The following SRGAP3 variants were observed in gnomAD, a reference collection of about 807,000 sequenced individuals.
SRGAP3 encodes SLIT-ROBO Rho GTPase activating protein 3, also known as SLIT-ROBO Rho GTPase-activating protein 3.
SRGAP3 carries 39 observed loss-of-function variants against 121.1 expected under a neutral mutation model. That is an observed-to-expected ratio of 0.32 (90% CI 0.25 to 0.42). SRGAP3 has a LOEUF of 0.42. SRGAP3 is among the 10% of genes least tolerant of loss of function. SRGAP3 has a pLI of 1.00. For missense variants in SRGAP3, 1,213 were observed against 1,470.6 expected (o/e 0.82, Z 2.86); for synonymous variants, 601 against 570.0 (o/e 1.05, Z -0.77).
intron 10 of SRGAP3, among the ~76,000 whole-genome samples, chr3:9,038,772 C>T (rs1208310055): frequency 6.6e-6 from 1 of 152,236 alleles, no homozygotes; most frequent in East Asian, 1.9e-4. Context: ...TGGTTCCATC[C>T]CCTCTGTCCT....
At chr3:9,028,683 T>C (rs1233185387) in intron 12 of SRGAP3, among the ~76,000 whole-genome samples, 2 of 152,216 alleles carry the variant, frequency 1.3e-5, no homozygotes, top group East Asian at 1.9e-4. Flanking sequence ...TAGATGCCCA[T>C]AGGTTTCCAC....
At chr3:9,088,406 T>A (rs142576573) in intron 3 of SRGAP3, among the ~76,000 whole-genome samples, 112 of 152,304 alleles carry the variant, frequency 7.4e-4, no homozygotes, top group Middle Eastern at 3.4e-3. Context: ...CCATCATGAA[T>A]GCAGGGAACC....
At chr3:9,024,914 C>T (rs549180487) in intron 14 of SRGAP3, among the ~76,000 whole-genome samples, 2 of 152,274 alleles carry the variant, frequency 1.3e-5, no homozygotes, top group South Asian at 2.1e-4. Context: ...CACCCAAAAG[C>T]AGTAATAGTA....
chr3:9,096,777 C>T (rs987110724), intron 3 of SRGAP3, among the ~76,000 whole-genome samples: 3 of 150,672 alleles, frequency 2.0e-5, no homozygotes, highest in African/African-American at 7.3e-5. Flanking sequence ...CTTTGTTTAA[C>T]CTGTATGCCC....
intron 4 of SRGAP3, among the ~76,000 whole-genome samples, chr3:9,075,076 T>C (rs903478747): frequency 3.3e-5 from 5 of 152,368 alleles, no homozygotes; most frequent in African/African-American, 1.2e-4. Context: ...AACACATTTT[T>C]AGCCGAACAG....
At chr3:9,275,743 C>G (rs1228381804) in intron 3 of SRGAP3, among the ~76,000 whole-genome samples, 5 of 152,210 alleles carry the variant, frequency 3.3e-5, no homozygotes, top group African/African-American at 9.6e-5. Flanking sequence ...CCTACCCCAT[C>G]ACGTGGAACT....
intron 1 of SRGAP3, among the ~76,000 whole-genome samples, chr3:9,205,310 G>T (rs1174035271): frequency 6.6e-6 from 1 of 152,162 alleles, no homozygotes. Context: ...TTATTAACAA[G>T]ATATTTTCTA....
chr3:9,008,078 A>G (rs1276307655), intron 18 of SRGAP3: 1 of 152,216 alleles, frequency 6.6e-6, no homozygotes, highest in Non-Finnish European at 1.5e-5. Context: ...ATTCCCAGAA[A>G]CCAGCAGCCT....
intron 1 of SRGAP3, among the ~76,000 whole-genome samples, chr3:9,183,785 C>G (rs955278599): frequency 1.3e-5 from 2 of 151,948 alleles, no homozygotes; most frequent in African/African-American, 4.8e-5. Flanking sequence ...CACACACACA[C>G]ACACACACAC....
chr3:9,205,672 T>C (rs931894184), intron 1 of SRGAP3, among the ~76,000 whole-genome samples: 1 of 152,190 alleles, frequency 6.6e-6, no homozygotes, highest in African/African-American at 2.4e-5. Flanking sequence ...GTAAGTCCAG[T>C]GCTTACAGAA....
At chr3:9,110,845 C>T (rs1948596960) in intron 2 of SRGAP3, among the ~76,000 whole-genome samples, 1 of 152,260 alleles carries the variant, frequency 6.6e-6, no homozygotes, top group South Asian at 2.1e-4. Flanking sequence ...GCAGGCTCTA[C>T]CACATCTGAA....
chr3:9,068,291 C>G (rs1473464527), intron 4 of SRGAP3, among the ~76,000 whole-genome samples: 2 of 152,224 alleles, frequency 1.3e-5, no homozygotes, highest in Non-Finnish European at 2.9e-5. Context: ...CTCTCAAGGT[C>G]AACAGCCCAG....
chr3:9,070,478 C>T (rs1446494327), intron 4 of SRGAP3, among the ~76,000 whole-genome samples: 9 of 152,156 alleles, frequency 5.9e-5, no homozygotes, highest in Non-Finnish European at 1.3e-4. Flanking sequence ...GAGCCTGGTA[C>T]CCAGCAAGTA....
intron 3 of SRGAP3, among the ~76,000 whole-genome samples, chr3:9,096,908 A>T (rs1947989489): frequency 7.2e-6 from 1 of 138,732 alleles, no homozygotes; most frequent in African/African-American, 2.6e-5. Context: ...TATATATAAT[A>T]GCTAATTATA....
At chr3:9,032,021 A>G (rs1282125718) in intron 12 of SRGAP3, among the ~76,000 whole-genome samples, 2 of 152,224 alleles carry the variant, frequency 1.3e-5, no homozygotes, top group Non-Finnish European at 2.9e-5. Context: ...AAACTCGCCT[A>G]GCTAAACTAC....
Position 9,073,325 on chromosome 3 carries a change from T to G in SRGAP3, c.486+6700A>C, listed in dbSNP as rs147813604. Among the ~76,000 whole-genome samples the G allele has an allele frequency of 7.5e-3, 1,149 of 152,208 alleles. 16 individuals carry two copies. Among genetic ancestry groups the G allele is most frequent in the Middle Eastern group, 0.027 (8 of 294 alleles). On this transcript the variant is annotated intron_variant, in intron 4 of 21. Transcript: ENST00000383836. ...TGCCTTGCTAATTTTTTGTATTTTTTGTAGAGAGAGGGTTTTGCCACGTTG... is the reference window on the plus strand; with the variant it reads ...TGCCTTGCTAATTTTTTGTATTTTTGGTAGAGAGAGGGTTTTGCCACGTTG...
chr3:9,228,046 T>C (rs1332463234), intron 1 of SRGAP3, among the ~76,000 whole-genome samples: 4 of 152,152 alleles, frequency 2.6e-5, no homozygotes, highest in African/African-American at 7.2e-5. Context: ...CTGATGATCA[T>C]AGTTTGAGAC....
rs140480411 is a variant in SRGAP3 at position 9,227,461 on chromosome 3, A to G, written c.67+21424T>C. 1.4e-3 allele frequency among the ~76,000 whole-genome samples: 212 copies of G among 152,286 alleles called. 1 individual carries two copies. The highest frequency in any genetic ancestry group is 2.2e-3 in the Non-Finnish European group (147 of 68,022). On this transcript the variant is annotated intron_variant, in intron 1 of 21. Coordinates refer to ENST00000383836, the MANE Select transcript of SRGAP3 (RefSeq NM_014850.4). Reference sequence around the variant, plus strand: ...GTCATTTAATCCTTGCAAGAGTCCAATGGGTGCCCATTTGAAAGAGGAAGA... The same window carrying G: ...GTCATTTAATCCTTGCAAGAGTCCAGTGGGTGCCCATTTGAAAGAGGAAGA...
intron 3 of SRGAP3, among the ~76,000 whole-genome samples, chr3:9,305,613 G>T (rs555751349): frequency 4.0e-5 from 6 of 151,722 alleles, no homozygotes; most frequent in African/African-American, 1.5e-4. Flanking sequence ...CCTGTGTCCA[G>T]GTGTTCTCAT....
Sources: allele counts gnomAD v4.1 joint callset (sites outside exome capture counted in the v4.1 genomes callset), GRCh38; gene constraint gnomAD v4.1.1; transcripts MANE v1.5; gene names NCBI Gene and HGNC (gene_info 2026-07-23, HGNC 2026-07-21).